The following CNST variants were observed in gnomAD, a reference collection of about 807,000 sequenced individuals.
The protein encoded by CNST is consortin, connexin sorting protein.
Under a neutral mutation model 72.4 loss-of-function variants are expected in CNST, and 39 were observed. That is an observed-to-expected ratio of 0.54 (90% CI 0.42 to 0.70). The LOEUF is 0.70. Ranked by LOEUF, CNST falls within the 30% of genes least tolerant of loss-of-function variation. CNST has a pLI of 0.00. For missense variants in CNST, 871 were observed against 868.5 expected (o/e 1.00, Z -0.04); for synonymous variants, 332 against 320.1 (o/e 1.04, Z -0.40).
chr1:246,607,064 C>T (rs537537655), intron 2 of CNST: 1 of 152,674 alleles, frequency 6.5e-6, no homozygotes, highest in Admixed American at 6.5e-5. Flanking sequence ...GGGGGGTAAC[C>T]TTGGCCACCA....
intron 4 of CNST, 80 bp downstream of exon 4, chr1:246,632,004 A>G (rs1664802235): frequency 1.2e-6 from 1 of 855,548 alleles, no homozygotes; most frequent in Non-Finnish European, 1.9e-6. Context: ...AGTATATTTT[A>G]CATGTAATAG....
rs1553384186 is a variant in CNST at position 246,645,424 on chromosome 1, C to CTTTTT, written c.938-1698_938-1694dup. On this transcript the variant is annotated intron_variant, in intron 8 of 10. Coordinates refer to ENST00000366513, the MANE Select transcript of CNST (RefSeq NM_152609.3). ...ACATATTAGTATAAAAAGGTTAAAA[C>CTTTTT]TTTTTTTTTTTTTTTTTTTTTGAGA... 2.6e-3 allele frequency among the ~76,000 whole-genome samples: 273 copies of CTTTTT among 106,040 alleles called. 10 individuals carry two copies. Among genetic ancestry groups the CTTTTT allele is most frequent in the African/African-American group, 7.7e-3 (234 of 30,308 alleles). The allele number at this position is 106,040 out of a possible 152,430, so 69.6% of individuals were successfully genotyped here. A position where few individuals can be genotyped will look rare whatever the true frequency, so the allele number is the denominator to read the frequency against.
Position 246,575,470 on chromosome 1 carries a change from C to T in CNST, c.-52+8807C>T, listed in dbSNP as rs376460910. 2.2e-4 allele frequency among the ~76,000 whole-genome samples: 33 copies of T among 152,200 alleles called. No homozygotes were observed. The East Asian group carries it at 4.2e-3, about 20-fold the overall frequency. On this transcript the variant is annotated intron_variant, in intron 1 of 10. Transcript: ENST00000366513. Reference sequence around the variant, plus strand: ...GTGAAAGAAGCTAATTGCAATAGACCGCATATTGTATAATTCCATTTACGT... The same window carrying T: ...GTGAAAGAAGCTAATTGCAATAGACTGCATATTGTATAATTCCATTTACGT...
In CNST at chr1:246,660,298, G is replaced by C; in HGVS notation, c.1936G>C (p.Val646Leu). 1 of 1,614,146 alleles carries C rather than the reference G, an allele frequency of 6.2e-7. No individual in the cohort carries two copies. The highest frequency in any genetic ancestry group is 8.5e-7 in the Non-Finnish European group (1 of 1,180,010). Residue 646 changes from valine (V) to leucine (L), a missense_variant, in exon 10 of 11, where the codon GTG becomes CTG. Coordinates refer to ENST00000366513, the MANE Select transcript of CNST (RefSeq NM_152609.3). ...GCAACACAAACCATCTAAGCGAAGA[G>C]TGAGATTCCAAGAAATAGACGATAG... Reference protein sequence around the residue: ...QMQHKPSKRRVRFQEIDDSLD... With the variant: ...QMQHKPSKRRLRFQEIDDSLD...
At chr1:246,567,114 C>G (rs1158522906) in intron 1 of CNST, among the ~76,000 whole-genome samples, 1 of 150,694 alleles carries the variant, frequency 6.6e-6, no homozygotes. Context: ...ATTCCTCTCT[C>G]TGGGCCAATA....
chr1:246,595,925 T>C (rs2103031651), intron 2 of CNST, among the ~76,000 whole-genome samples: 1 of 152,318 alleles, frequency 6.6e-6, no homozygotes, highest in African/African-American at 2.4e-5. Flanking sequence ...TCATTCCTAA[T>C]AGTCATGTCA....
chr1:246,656,409 A>G (rs190650801), intron 9 of CNST, among the ~76,000 whole-genome samples: 81 of 152,336 alleles, frequency 5.3e-4, no homozygotes, highest in African/African-American at 1.7e-3. Context: ...AGACTGGGCC[A>G]GATGGAATTT....
At chr1:246,603,832 C>T (rs1326117140) in intron 2 of CNST, among the ~76,000 whole-genome samples, 2 of 152,118 alleles carry the variant, frequency 1.3e-5, no homozygotes, top group African/African-American at 4.8e-5. Flanking sequence ...GGGTAATAAA[C>T]GTTCCAAAAT....
chr1:246,642,429 GA>G (rs998984745), intron 8 of CNST, among the ~76,000 whole-genome samples: 30 of 151,928 alleles, frequency 2.0e-4, no homozygotes, highest in African/African-American at 7.3e-4. Context: ...CACTTTACCA[GA>G]AATTTGTTCT....
intron 10 of CNST, among the ~76,000 whole-genome samples, chr1:246,661,095 G>C (rs774666988): frequency 1.1e-4 from 17 of 152,028 alleles, no homozygotes; most frequent in Admixed American, 2.6e-4. Flanking sequence ...TCAGCCTCCT[G>C]AGTAGCTGGG....
At chr1:246,584,225 G>A (rs572742921) in intron 1 of CNST, among the ~76,000 whole-genome samples, 1 of 152,304 alleles carries the variant, frequency 6.6e-6, no homozygotes, top group Admixed American at 6.5e-5. Flanking sequence ...ACATATGTTG[G>A]CTTTCTTGTA....
At chr1:246,617,254 GCTCAATGATGTTCAAACCTACA>G (rs1354208753) in intron 2 of CNST, among the ~76,000 whole-genome samples, 1 of 152,144 alleles carries the variant, frequency 6.6e-6, no homozygotes, top group African/African-American at 2.4e-5. Context: ...ATATATACAA[GCTCAATGATGTTCAAACCTACA>G]GTATTGGTGA....
At chr1:246,662,824 G>A (rs539048288) in intron 10 of CNST, among the ~76,000 whole-genome samples, 7 of 152,026 alleles carry the variant, frequency 4.6e-5, no homozygotes, top group South Asian at 2.1e-4. Context: ...TGTGTTCATC[G>A]CCGCTCAGTT....
chr1:246,568,000 T>A (rs1056081964), intron 1 of CNST, among the ~76,000 whole-genome samples: 6 of 152,120 alleles, frequency 3.9e-5, no homozygotes, highest in Admixed American at 6.6e-5. Flanking sequence ...TTCTGACTTT[T>A]TAAAAAAAAC....
At chr1:246,590,136 A>G (rs1005754410) in intron 1 of CNST, among the ~76,000 whole-genome samples, 4 of 152,204 alleles carry the variant, frequency 2.6e-5, no homozygotes, top group South Asian at 4.2e-4. Context: ...GCATCTTAAG[A>G]GCCAAGCTCC....
intron 1 of CNST, among the ~76,000 whole-genome samples, chr1:246,567,695 T>C (rs1659806049): frequency 1.3e-5 from 2 of 152,226 alleles, no homozygotes; most frequent in African/African-American, 4.8e-5. Flanking sequence ...TAGGACATCA[T>C]AGAAAATATC....
At chr1:246,664,652 T>A (rs1667303834) in intron 10 of CNST, among the ~76,000 whole-genome samples, 2 of 151,718 alleles carry the variant, frequency 1.3e-5, no homozygotes, top group African/African-American at 4.8e-5. Context: ...GGTCTCGATC[T>A]CCTGACCTCG....
At chr1:246,625,960 T>C (rs1335449906) in intron 3 of CNST, among the ~76,000 whole-genome samples, 1 of 152,214 alleles carries the variant, frequency 6.6e-6, no homozygotes, top group African/African-American at 2.4e-5. Context: ...TACTCTGTTT[T>C]GAAGCGTTTT....
chr1:246,632,564 T>A (rs1664844182), intron 4 of CNST: 1 of 166,752 alleles, frequency 6.0e-6, no homozygotes, highest in African/African-American at 2.4e-5. Flanking sequence ...AGAGAGAACT[T>A]CTGAGTGATC....
Sources: gnomAD v4.1 joint callset for allele counts (sites outside exome capture counted in the v4.1 genomes callset) on GRCh38, gnomAD v4.1.1 for gene constraint, MANE v1.5 for transcripts, NCBI Gene and HGNC (gene_info 2026-07-23, HGNC 2026-07-21) for gene names.